Variants in RAB27B observed in about 807,000 individuals in gnomAD.
RAB27B encodes the protein ras-related protein Rab-27B.
A neutral mutation model predicts 24.6 loss-of-function variants in RAB27B; 15 were observed. That is an observed-to-expected ratio of 0.61 (90% CI 0.41 to 0.94). RAB27B has a LOEUF of 0.94. Among genes scored for constraint, RAB27B ranks in the 40% least tolerant of loss-of-function variants. The probability of loss-of-function intolerance (pLI) is 0.00; values close to 1 mark genes in which losing one functional copy is unlikely to be tolerated. For synonymous variants in RAB27B, 105 were observed against 92.5 expected, an observed-to-expected ratio of 1.14 and a Z score of -0.78; for missense variants, 261 against 266.8, an observed-to-expected ratio of 0.98 and a Z score of 0.15.
At chr18:54,807,026 G>A (rs922597575) in intron 2 of RAB27B, among the ~76,000 whole-genome samples, 1 of 152,048 alleles carries the variant, frequency 6.6e-6, no homozygotes, top group Admixed American at 6.5e-5. Flanking sequence ...TCAGTCTCCT[G>A]AGTAGCTGGG....
Position 54,874,657 on chromosome 18 carries a change from G to A in RAB27B, c.-19-2910G>A, listed in dbSNP as rs563897614. ...TCTTTTCACTTTTTCTGGGAGCCAC[G>A]AAATCCAATGTCTTCAATTTCACAC... On this transcript the variant is annotated intron_variant, in intron 1 of 5. Transcript: ENST00000262094. 3.3e-5 allele frequency among the ~76,000 whole-genome samples: 5 copies of A among 151,774 alleles called. No individual in the cohort carries two copies. The South Asian group carries it at 8.4e-4, about 25-fold the overall frequency.
At chr18:54,739,391 G>A (rs1345783587) in intron 2 of RAB27B, among the ~76,000 whole-genome samples, 1 of 150,646 alleles carries the variant, frequency 6.6e-6, no homozygotes, top group African/African-American at 2.4e-5. Context: ...GGTAGGCGGA[G>A]GTTACAGTGA....
At chr18:54,828,750 C>T (rs1433386501) in intron 1 of RAB27B, 50 bp downstream of exon 1, 1 of 152,418 alleles carries the variant, frequency 6.6e-6, no homozygotes, top group Non-Finnish European at 1.5e-5. Context: ...CCCACCCACC[C>T]GGGTGCTGCA....
At chr18:54,801,035 C>G (rs999390058) in intron 2 of RAB27B, among the ~76,000 whole-genome samples, 1 of 61,782 alleles carries the variant, frequency 1.6e-5, no homozygotes, top group Non-Finnish European at 2.9e-5. Context: ...TTTTTTTTAA[C>G]AGAGTCTTGC....
chr18:54,798,860 T>C (rs1320142744), intron 2 of RAB27B, among the ~76,000 whole-genome samples: 1 of 152,206 alleles, frequency 6.6e-6, no homozygotes, highest in African/African-American at 2.4e-5. Context: ...TTCAAAAGAA[T>C]AATTGTCCAT....
At chr18:54,888,558 A>AGGG (rs1315842084) in intron 5 of RAB27B, among the ~76,000 whole-genome samples, 1 of 152,040 alleles carries the variant, frequency 6.6e-6, no homozygotes, top group Admixed American at 6.6e-5. Flanking sequence ...CCAAGAAATA[A>AGGG]TCCCTGACAA....
chr18:54,848,914 G>A (rs954281696), intron 1 of RAB27B, among the ~76,000 whole-genome samples: 1 of 152,068 alleles, frequency 6.6e-6, no homozygotes, highest in Admixed American at 6.5e-5. Context: ...TTCAAAAAAA[G>A]TATCACTTTG....
chr18:54,851,216 A>G (rs573371933), intron 1 of RAB27B, among the ~76,000 whole-genome samples: 1 of 152,264 alleles, frequency 6.6e-6, no homozygotes, highest in African/African-American at 2.4e-5. Context: ...CACATGTATT[A>G]TTCATTTTGT....
intron 2 of RAB27B, among the ~76,000 whole-genome samples, chr18:54,728,066 A>C (rs1360475106): frequency 6.6e-6 from 1 of 152,196 alleles, no homozygotes; most frequent in Non-Finnish European, 1.5e-5. Flanking sequence ...AATAGAGGGG[A>C]GACTGAGCAG....
intron 2 of RAB27B, among the ~76,000 whole-genome samples, chr18:54,821,350 A>G (rs1910304620): frequency 6.6e-6 from 1 of 152,208 alleles, no homozygotes; most frequent in Non-Finnish European, 1.5e-5. Context: ...GACCTCTTCA[A>G]GAAGAACTGC....
At chr18:54,872,705 ATACT>A (rs1420534174) in intron 1 of RAB27B, among the ~76,000 whole-genome samples, 4 of 152,154 alleles carry the variant, frequency 2.6e-5, no homozygotes, top group Non-Finnish European at 4.4e-5. Context: ...TTTAATCTAA[ATACT>A]TACCTCATTG....
chr18:54,863,802 A>G (rs1311148891), intron 1 of RAB27B, among the ~76,000 whole-genome samples: 1 of 152,248 alleles, frequency 6.6e-6, no homozygotes, highest in Non-Finnish European at 1.5e-5. Context: ...TTACTTTAAC[A>G]TAATGTTTTC....
rs1913363153 is a variant in RAB27B, at chr18:54,891,369, G to A, written c.*1956G>A. ...AGCATCGCAACAGGTTCGAAGATGG[G>A]TTGTGGCTGGGTATTCCCTCCCATG... On this transcript the variant is annotated 3_prime_UTR_variant, in exon 6 of 6. Transcript: ENST00000262094. The A allele has an allele frequency of 6.6e-6, 1 of 151,126 alleles. No individual in the cohort carries two copies. Among genetic ancestry groups the A allele is most frequent in the African/African-American group, 2.5e-5 (1 of 40,462 alleles). 9.4% of individuals were successfully genotyped at this position (151,126 alleles called of 1,614,324 possible).
chr18:54,787,744 CCTT>C (rs1909132965), intron 2 of RAB27B, among the ~76,000 whole-genome samples: 1 of 149,948 alleles, frequency 6.7e-6, no homozygotes, highest in South Asian at 2.1e-4. Flanking sequence ...AAAAAAAAAA[CCTT>C]CTCTAACTTG....
chr18:54,876,957 T>C (rs1277233989), intron 1 of RAB27B, among the ~76,000 whole-genome samples: 1 of 152,034 alleles, frequency 6.6e-6, no homozygotes, highest in Non-Finnish European at 1.5e-5. Context: ...ACTATTGCTG[T>C]GTTATATGGT....
chr18:54,745,683 A>AT (rs1464771165), intron 2 of RAB27B: 12 of 151,592 alleles, frequency 7.9e-5, no homozygotes, highest in Non-Finnish European at 1.2e-4. Flanking sequence ...AAGCAAAAAA[A>AT]TTTTTAAAAG....
chr18:54,718,626 C>CAT (rs1486783497), intron 2 of RAB27B, among the ~76,000 whole-genome samples: 1 of 152,112 alleles, frequency 6.6e-6, no homozygotes, highest in Non-Finnish European at 1.5e-5. Flanking sequence ...TTTTCTTAAC[C>CAT]ATATACCATA....
chr18:54,751,074 A>G (rs953808998), intron 2 of RAB27B, among the ~76,000 whole-genome samples: 3 of 152,218 alleles, frequency 2.0e-5, no homozygotes, highest in African/African-American at 7.2e-5. Flanking sequence ...TGCCCTCGAG[A>G]GACACTGAAG....
At chr18:54,798,069 C>T (rs1369387264) in intron 2 of RAB27B, among the ~76,000 whole-genome samples, 1 of 152,130 alleles carries the variant, frequency 6.6e-6, no homozygotes, top group Non-Finnish European at 1.5e-5. Flanking sequence ...GCCGTCTATT[C>T]TATGATCTAA....
Sources: gnomAD v4.1 joint callset for allele counts (sites outside exome capture counted in the v4.1 genomes callset) on GRCh38, gnomAD v4.1.1 for gene constraint, MANE v1.5 for transcripts, NCBI Gene and HGNC (gene_info 2026-07-23, HGNC 2026-07-21) for gene names.